NAALADL2: variants seen among roughly 807,000 people sequenced by gnomAD.
The protein encoded by NAALADL2 is inactive N-acetylated-alpha-linked acidic dipeptidase-like protein 2.
A neutral mutation model predicts 87.2 loss-of-function variants in NAALADL2; 76 were observed. That is an observed-to-expected ratio of 0.87 (90% CI 0.72 to 1.05). The LOEUF is 1.05. Among genes scored for constraint, NAALADL2 ranks in the 50% least tolerant of loss-of-function variants. NAALADL2 has a pLI of 0.00. For synonymous variants in NAALADL2, 354 were observed against 331.0 expected (o/e 1.07, Z -0.75); for missense variants, 1,089 against 945.8 (o/e 1.15, Z -1.99).
At chr3:175,082,474 C>T (rs922826358) in intron 1 of NAALADL2, among the ~76,000 whole-genome samples, 1 of 152,014 alleles carries the variant, frequency 6.6e-6, no homozygotes, top group Non-Finnish European at 1.5e-5. Context: ...GAAATTAATT[C>T]TTAGAGGTGA....
At chr3:174,549,895 T>G (rs1049613079) in intron 1 of NAALADL2, among the ~76,000 whole-genome samples, 10 of 148,768 alleles carry the variant, frequency 6.7e-5, no homozygotes, top group African/African-American at 2.2e-4. Flanking sequence ...TGGTTTTTTG[T>G]TTTTTTTTTC....
At chr3:174,711,015 A>T (rs1352282752) in intron 2 of NAALADL2, among the ~76,000 whole-genome samples, 1 of 152,156 alleles carries the variant, frequency 6.6e-6, no homozygotes, top group African/African-American at 2.4e-5. Context: ...AGAAAATTCT[A>T]GTGATAGGGT....
At chr3:174,842,335 G>A (rs1724121560) in intron 3 of NAALADL2, among the ~76,000 whole-genome samples, 1 of 152,136 alleles carries the variant, frequency 6.6e-6, no homozygotes, top group Non-Finnish European at 1.5e-5. Context: ...ATAGGTGTGA[G>A]CCACTGCACC....
At chr3:175,484,805 T>C (rs893631595) in intron 9 of NAALADL2, among the ~76,000 whole-genome samples, 3 of 152,178 alleles carry the variant, frequency 2.0e-5, no homozygotes, top group Non-Finnish European at 4.4e-5. Context: ...TCTTTTTTTC[T>C]TTGCTTTTTT....
intron 5 of NAALADL2, among the ~76,000 whole-genome samples, chr3:175,432,973 G>A (rs929443591): frequency 1.3e-5 from 2 of 152,036 alleles, no homozygotes; most frequent in Non-Finnish European, 1.5e-5. Flanking sequence ...GCCTGCTGAA[G>A]CATCTTTGCT....
chr3:174,686,749 CTG>C (rs1728079700), intron 2 of NAALADL2, among the ~76,000 whole-genome samples: 1 of 152,030 alleles, frequency 6.6e-6, no homozygotes, highest in Admixed American at 6.6e-5. Flanking sequence ...TTGCAAAAGA[CTG>C]AAACTGGACC....
intron 1 of NAALADL2, among the ~76,000 whole-genome samples, chr3:174,934,163 GACA>G (rs1274088116): frequency 2.0e-5 from 3 of 152,068 alleles, no homozygotes; most frequent in Non-Finnish European, 4.4e-5. Context: ...TACTACTACT[GACA>G]ACAACAACAG....
intron 1 of NAALADL2, among the ~76,000 whole-genome samples, chr3:175,021,354 T>G (rs1168468710): frequency 2.0e-5 from 3 of 152,052 alleles, no homozygotes; most frequent in African/African-American, 7.2e-5. Flanking sequence ...GGTCAATAAA[T>G]ATTTGAGTAA....
chr3:175,240,918 C>T (rs981157250), intron 3 of NAALADL2, among the ~76,000 whole-genome samples: 10 of 152,148 alleles, frequency 6.6e-5, no homozygotes, highest in Admixed American at 6.5e-4. Flanking sequence ...GCCTTGGCCT[C>T]ACAAAGTGCT....
intron 1 of NAALADL2, among the ~76,000 whole-genome samples, chr3:175,092,021 T>C (rs960933971): frequency 5.3e-5 from 8 of 152,064 alleles, no homozygotes; most frequent in Non-Finnish European, 1.0e-4. Flanking sequence ...CTTAGCTCTA[T>C]AGAATTCGTG....
At chr3:175,441,139 C>T (rs1313831002) in intron 5 of NAALADL2, among the ~76,000 whole-genome samples, 1 of 151,636 alleles carries the variant, frequency 6.6e-6, no homozygotes, top group East Asian at 1.9e-4. Flanking sequence ...TCTCCATATC[C>T]AGGTGTTTCA....
intron 1 of NAALADL2, among the ~76,000 whole-genome samples, chr3:174,473,529 A>C (rs1351735623): frequency 6.6e-6 from 1 of 152,124 alleles, no homozygotes; most frequent in African/African-American, 2.4e-5. Context: ...CCCTTTCATG[A>C]TTACTGTTTA....
chr3:175,066,444 C>T lies in NAALADL2; in HGVS notation c.44-30346C>T, dbSNP rs529111550. Among the ~76,000 whole-genome samples the T allele has an allele frequency of 1.3e-4, 20 of 152,150 alleles. No individual in the cohort carries two copies. The East Asian group carries it at 3.7e-3, about 28-fold the overall frequency. ...GAGGGCAGGGACTGTCTCTTCAGTG[C>T]TCTATCCAGCACCTTGCACTGAGAC... On this transcript the variant is annotated intron_variant, in intron 1 of 13. Coordinates refer to ENST00000454872, the MANE Select transcript of NAALADL2 (RefSeq NM_207015.3).
chr3:174,809,704 A>G (rs1515620), intron 3 of NAALADL2, among the ~76,000 whole-genome samples: 113,308 of 152,002 alleles, frequency 0.75, 42,825 homozygotes, highest in African/African-American at 0.88. Context: ...TATTTAAGTA[A>G]CATTAACATA....
At chr3:175,700,597 G>A (rs74702418) in intron 11 of NAALADL2, among the ~76,000 whole-genome samples, 3,020 of 152,136 alleles carry the variant, frequency 0.02, 103 homozygotes, top group African/African-American at 0.069. Flanking sequence ...TTTACTACCT[G>A]AAGTTGCTTA....
Position 174,505,213 on chromosome 3 carries a change from A to G in NAALADL2, c.-183-45356A>G, listed in dbSNP as rs376211484. 5.3e-5 allele frequency among the ~76,000 whole-genome samples: 8 copies of G among 152,256 alleles called. No homozygotes were observed. In the South Asian group the frequency reaches 1.7e-3, roughly 32 times the overall value. On this transcript the variant is annotated intron_variant, in intron 1 of 3. Coordinates refer to the NAALADL2 transcript ENST00000434257. Reference sequence around the variant, plus strand: ...CTTCACCACTATCTCCATAATCTCTACTTCACTGAGTTTCATCCAGGTGCA... The same window carrying G: ...CTTCACCACTATCTCCATAATCTCTGCTTCACTGAGTTTCATCCAGGTGCA...
chr3:175,380,524 T>C (rs1188554373), intron 5 of NAALADL2, among the ~76,000 whole-genome samples: 1 of 152,198 alleles, frequency 6.6e-6, no homozygotes, highest in African/African-American at 2.4e-5. Context: ...GAAATTTCTG[T>C]ATAAAATACC....
chr3:175,752,856 T>C (rs1255732539), intron 12 of NAALADL2, among the ~76,000 whole-genome samples: 2 of 152,196 alleles, frequency 1.3e-5, no homozygotes, highest in Admixed American at 1.3e-4. Context: ...CTCAAGGATG[T>C]CGAACTTGTT....
chr3:175,209,980 G>A (rs1057498970), intron 2 of NAALADL2, among the ~76,000 whole-genome samples: 1 of 151,592 alleles, frequency 6.6e-6, no homozygotes. Flanking sequence ...AATAGCCAAC[G>A]AATAGTAGCA....
Sources: gnomAD v4.1 joint callset for allele counts (sites outside exome capture counted in the v4.1 genomes callset) on GRCh38, gnomAD v4.1.1 for gene constraint, MANE v1.5 for transcripts, NCBI Gene and HGNC (gene_info 2026-07-23, HGNC 2026-07-21) for gene names.